Variants in SUPT20H observed in about 807,000 individuals in gnomAD.
The protein encoded by SUPT20H is SPT20 homolog, SAGA complex component.
A neutral mutation model predicts 122.8 loss-of-function variants in SUPT20H; 82 were observed. The ratio of observed to expected loss-of-function variants is 0.67; its 90% CI spans 0.56 to 0.80. The LOEUF is 0.80. Among genes scored for constraint, SUPT20H ranks in the 30% least tolerant of loss-of-function variants. The probability of loss-of-function intolerance (pLI) is 0.00; values close to 1 mark genes in which losing one functional copy is unlikely to be tolerated. For missense variants in SUPT20H, 831 were observed against 921.6 expected, an observed-to-expected ratio of 0.90 and a Z score of 1.27; for synonymous variants, 291 against 313.0, an observed-to-expected ratio of 0.93 and a Z score of 0.74.
intron 14 of SUPT20H, 142 bp from the exon 15 acceptor site, chr13:37,026,958 A>G: frequency 1.9e-6 from 1 of 533,132 alleles, no homozygotes. Context: ...CAAAGGTAAA[A>G]AATTCAATTC....
chr13:37,017,403 G>C (rs1362693637), intron 22 of SUPT20H, 39 bp from the exon 23 acceptor site: 3 of 1,551,736 alleles, frequency 1.9e-6, no homozygotes, highest in Non-Finnish European at 2.6e-6. Context: ...AATTTCACAT[G>C]ATTTTATATC....
intron 25 of SUPT20H, 112 bp from the exon 26 acceptor site, chr13:37,009,921 TAACAAAAAGGGAC>T (rs2059295878): frequency 4.2e-6 from 6 of 1,437,976 alleles, no homozygotes; most frequent in Non-Finnish European, 5.6e-6. Context: ...AGCACCAAGA[TAACAAAAAGGGAC>T]TATACCACAT....
Position 37,024,201 on chromosome 13 carries a change from A to ATTTT in SUPT20H, c.1433-9_1433-8insAAAA. 6.3e-7 allele frequency: 1 copy of ATTTT among 1,596,790 alleles called. No individual in the cohort carries two copies. Among genetic ancestry groups the ATTTT allele is most frequent in the Non-Finnish European group, 8.5e-7 (1 of 1,173,698 alleles). ...GTGGTGTAAAATAGTTACCTAGAAG[A>ATTTT]ACATAAAAGTTATTTCCTAAATTTA... On this transcript the variant is annotated splice_polypyrimidine_tract_variant and intron_variant, in intron 18 of 25. Transcript: ENST00000350612.
intron 3 of SUPT20H, 58 bp from the exon 4 acceptor site, chr13:37,047,994 G>T: frequency 3.0e-6 from 4 of 1,320,968 alleles, no homozygotes; most frequent in South Asian, 1.3e-5. Flanking sequence ...ATGAACAACT[G>T]TATTGAGTAT....
At chr13:37,045,141 T>C in intron 6 of SUPT20H, 106 bp downstream of exon 6, 1 of 1,463,226 alleles carries the variant, frequency 6.8e-7, no homozygotes, top group Non-Finnish European at 9.3e-7. Flanking sequence ...AGGTCATCAC[T>C]ATCTGAAGGA....
intron 1 of SUPT20H, among the ~76,000 whole-genome samples, chr13:37,057,496 C>T (rs1259678977): frequency 6.7e-6 from 1 of 149,070 alleles, no homozygotes; most frequent in Non-Finnish European, 1.5e-5. Context: ...TTTGGTGAAC[C>T]CCAAAGCTTT....
intron 7 of SUPT20H, among the ~76,000 whole-genome samples, chr13:37,041,036 T>C (rs2065370429): frequency 6.6e-6 from 1 of 152,210 alleles, no homozygotes; most frequent in Non-Finnish European, 1.5e-5. Flanking sequence ...CTCACAGGCT[T>C]ACTGTTACAT....
chr13:37,016,717 T>A (rs1479467838), intron 23 of SUPT20H, among the ~76,000 whole-genome samples: 3 of 152,164 alleles, frequency 2.0e-5, no homozygotes, highest in Non-Finnish European at 4.4e-5. Flanking sequence ...AATATTTTTT[T>A]AATTTCCCAG....
chr13:37,035,070 C>T (rs1021070373), intron 9 of SUPT20H, among the ~76,000 whole-genome samples: 2 of 152,186 alleles, frequency 1.3e-5, no homozygotes, highest in African/African-American at 4.8e-5. Context: ...TGGAGATGTA[C>T]AAGGGGATTA....
intron 9 of SUPT20H, among the ~76,000 whole-genome samples, chr13:37,036,037 T>C (rs916755636): frequency 3.3e-5 from 5 of 152,262 alleles, no homozygotes; most frequent in Middle Eastern, 6.8e-3. Flanking sequence ...AAACAATCAA[T>C]GGGGCAAACT....
intron 1 of SUPT20H, among the ~76,000 whole-genome samples, chr13:37,058,390 G>T (rs546938579): frequency 6.6e-6 from 1 of 152,276 alleles, no homozygotes; most frequent in Admixed American, 6.5e-5. Flanking sequence ...CTCGTAGGAG[G>T]TTTAAGTTGA....
intron 13 of SUPT20H, among the ~76,000 whole-genome samples, chr13:37,029,377 A>C (rs2062897249): frequency 6.6e-6 from 1 of 152,052 alleles, no homozygotes; most frequent in Non-Finnish European, 1.5e-5. Context: ...AAAAATACAA[A>C]AATTAGCCAG....
chr13:37,009,636 G>C lies in SUPT20H; in HGVS notation c.*36C>G, dbSNP rs773248513. ...TCAATTCTTTTGATTCAGTGCTCTT[G>C]TGTTTTTAAAAAAGGAACAAAAAGT... On this transcript the variant is annotated 3_prime_UTR_variant, in exon 26 of 26. Coordinates refer to ENST00000350612, the MANE Select transcript of SUPT20H (RefSeq NM_001014286.3). 6.2e-7 allele frequency: 1 copy of C among 1,611,954 alleles called. No individual in the cohort carries two copies. Among genetic ancestry groups the C allele is most frequent in the Admixed American group, 1.7e-5 (1 of 59,858 alleles).
chr13:37,031,448 T>C, intron 12 of SUPT20H, 119 bp downstream of exon 12: 1 of 550,028 alleles, frequency 1.8e-6, no homozygotes, highest in Non-Finnish European at 3.0e-6. Context: ...GTTTAGAGTA[T>C]GATCTAAATC....
intron 12 of SUPT20H, among the ~76,000 whole-genome samples, chr13:37,031,029 C>T (rs924725783): frequency 5.3e-5 from 8 of 152,094 alleles, no homozygotes; most frequent in African/African-American, 1.7e-4. Context: ...TAGGATCACT[C>T]ATCAAAATAT....
chr13:37,016,730 G>GA (rs769886921), intron 23 of SUPT20H, among the ~76,000 whole-genome samples: 32 of 152,214 alleles, frequency 2.1e-4, no homozygotes, highest in Non-Finnish European at 4.4e-4. Context: ...TTTCCCAGAT[G>GA]ACTCCAGTGT....
At chr13:37,042,541 G>T (rs149467042) in intron 7 of SUPT20H, among the ~76,000 whole-genome samples, 1 of 152,262 alleles carries the variant, frequency 6.6e-6, no homozygotes, top group African/African-American at 2.4e-5. Flanking sequence ...GGAAAACCAG[G>T]AAAATGATGT....
chr13:37,026,367 T>C (rs2062276384), intron 15 of SUPT20H, 131 bp from the exon 16 acceptor site: 5 of 638,280 alleles, frequency 7.8e-6, no homozygotes, highest in Non-Finnish European at 1.2e-5. Flanking sequence ...TCTACCAAGA[T>C]ATGAAAAAAA....
chr13:37,038,788 AT>A, intron 9 of SUPT20H: 1 of 152,384 alleles, frequency 6.6e-6, no homozygotes, highest in South Asian at 2.1e-4. Flanking sequence ...CTAAGCTGTT[AT>A]AACATGTCTG....
Sources: gnomAD v4.1 joint callset for allele counts (sites outside exome capture counted in the v4.1 genomes callset) on GRCh38, gnomAD v4.1.1 for gene constraint, MANE v1.5 for transcripts, NCBI Gene and HGNC (gene_info 2026-07-23, HGNC 2026-07-21) for gene names.